The following RRP1 variants were observed in gnomAD, a reference collection of about 807,000 sequenced individuals.
RRP1 encodes ribosomal RNA processing 1.
Under a neutral mutation model 54.6 loss-of-function variants are expected in RRP1, and 37 were observed. The ratio of observed to expected loss-of-function variants is 0.68; its 90% CI spans 0.52 to 0.89. RRP1 has a LOEUF of 0.89. Among genes scored for constraint, RRP1 ranks in the 40% least tolerant of loss-of-function variants. The probability of loss-of-function intolerance (pLI) is 0.00; values close to 1 mark genes in which losing one functional copy is unlikely to be tolerated. For synonymous variants in RRP1, 262 were observed against 244.3 expected (o/e 1.07, Z -0.67); for missense variants, 639 against 612.5 (o/e 1.04, Z -0.46).
chr21:43,791,640 G>A (rs2084959863), intron 2 of RRP1, among the ~76,000 whole-genome samples: 1 of 152,062 alleles, frequency 6.6e-6, no homozygotes, highest in East Asian at 1.9e-4. Context: ...GTAGCTGGGA[G>A]TACAGGTACC....
intron 1 of RRP1, 35 bp downstream of exon 1, chr21:43,789,797 G>T: frequency 6.7e-7 from 1 of 1,482,208 alleles, no homozygotes; most frequent in Non-Finnish European, 9.0e-7. Context: ...CGTCTCGGGG[G>T]CCGGCTGGGC....
intron 5 of RRP1, among the ~76,000 whole-genome samples, chr21:43,796,888 G>A (rs940103432): frequency 6.6e-5 from 10 of 152,158 alleles, no homozygotes; most frequent in African/African-American, 1.4e-4. Context: ...CGCCTGCCAG[G>A]GAGAGCTCTG....
At chr21:43,796,159 A>G (rs1188490450) in intron 5 of RRP1, among the ~76,000 whole-genome samples, 1 of 151,596 alleles carries the variant, frequency 6.6e-6, no homozygotes, top group Non-Finnish European at 1.5e-5. Flanking sequence ...AAGAATCAGC[A>G]GGAATTGAAC....
intron 10 of RRP1, 50 bp downstream of exon 10, chr21:43,800,664 T>C (rs1462410210): frequency 6.3e-7 from 1 of 1,588,808 alleles, no homozygotes; most frequent in East Asian, 2.2e-5. Context: ...GGAGTTGCCC[T>C]TTCTTGCTCA....
At chr21:43,797,573 G>C in intron 6 of RRP1, 22 bp downstream of exon 6, 1 of 1,613,962 alleles carries the variant, frequency 6.2e-7, no homozygotes, top group South Asian at 1.1e-5. Flanking sequence ...CTCCGACGGG[G>C]CGGTGGAGCT....
At chr21:43,790,684 C>T (rs1268174365) in intron 1 of RRP1, 1 of 242,128 alleles carries the variant, frequency 4.1e-6, no homozygotes, top group African/African-American at 2.3e-5. Context: ...ACCTCCCAGG[C>T]TCAAGTGAGC....
chr21:43,797,236 T>C, intron 5 of RRP1, 186 bp from the exon 6 acceptor site: 2 of 924,068 alleles, frequency 2.2e-6, no homozygotes, highest in Non-Finnish European at 1.6e-6. Flanking sequence ...AAGACTGCCT[T>C]GCGCTGGAGG....
rs756672405 is a variant in RRP1, at chr21:43,803,557, G to C, written c.1169G>C (p.Arg390Thr). Reference protein sequence around the residue: ...EPPSPGMERKRSRRRGVGADP... With the variant: ...EPPSPGMERKTSRRRGVGADP... The stretch of plus-strand genomic sequence containing the variant: ...CCGAGCCCGGGCATGGAGAGGAAGA[G>C]GAGCAGGAGGAGGGGTGTAGGGGCC... Residue 390 changes from arginine (R) to threonine (T), a missense_variant, in exon 13 of 13, where the codon AGG (arginine) becomes ACG (threonine). Arg to Thr is a moderately conservative substitution (Grantham distance 71). Transcript: ENST00000497547. 4.5e-6 allele frequency: 7 copies of C among 1,555,966 alleles called. No homozygotes were observed. In the South Asian group the frequency reaches 7.1e-5, roughly 16 times the overall value.
At chr21:43,792,642 C>T (rs946876234) in intron 2 of RRP1, 30 bp from the exon 3 acceptor site, 1 of 1,612,728 alleles carries the variant, frequency 6.2e-7, no homozygotes, top group African/African-American at 1.3e-5. Context: ...GCTTCAGGGG[C>T]TGAGGGCGTT....
chr21:43,802,251 C>T (rs780106056), intron 11 of RRP1, 23 bp from the exon 12 acceptor site: 4 of 1,588,912 alleles, frequency 2.5e-6, no homozygotes, highest in Non-Finnish European at 3.5e-6. Context: ...CGAGAGCCCC[C>T]TGACTTCTGC....
At position 43,795,930 on chromosome 21, in the gene RRP1, A is replaced by G. The variant is rs1188424635; in HGVS notation, c.422+680A>G. On this transcript the variant is annotated intron_variant, in intron 5 of 12. Coordinates refer to ENST00000497547, the MANE Select transcript of RRP1 (RefSeq NM_003683.6). ...GCCGAGGCGGGCAGATCACAAGGTC[A>G]AGAGATCGAGACCATCCTGGCCACC... Among the ~76,000 whole-genome samples, 3 of 152,212 alleles carry G rather than the reference A, an allele frequency of 2.0e-5. No homozygotes were observed. The East Asian group carries it at 5.8e-4, about 29-fold the overall frequency.
chr21:43,795,625 T>C (rs1477896875), intron 5 of RRP1, among the ~76,000 whole-genome samples: 1 of 152,202 alleles, frequency 6.6e-6, no homozygotes, highest in Admixed American at 6.5e-5. Context: ...TTGGCTCAAC[T>C]ACAGCCTTGA....
At chr21:43,790,984 C>T in intron 1 of RRP1, 1 of 463,014 alleles carries the variant, frequency 2.2e-6, no homozygotes, top group South Asian at 1.5e-5. Context: ...CAGAAGCCCT[C>T]AGTATAATGC....
Position 43,798,118 on chromosome 21 carries a change from C to T in RRP1, c.811+18C>T, listed in dbSNP as rs1471397243. On this transcript the variant is annotated intron_variant, in intron 8 of 12. Coordinates refer to ENST00000497547, the MANE Select transcript of RRP1 (RefSeq NM_003683.6). ...GCCCGCAGGTGGGGGTCACACTGCG[C>T]CTGGCTTCTCCTCGGGGCCTGTCCT... 1 of 1,585,794 alleles carries T rather than the reference C, an allele frequency of 6.3e-7. No individual in the cohort carries two copies. Among genetic ancestry groups the T allele is most frequent in the Non-Finnish European group, 8.6e-7 (1 of 1,164,614 alleles).
At position 43,789,681 on chromosome 21, in the gene RRP1, G is replaced by A; in HGVS notation, c.52G>A (p.Ala18Thr). The A allele has an allele frequency of 6.4e-7, 1 of 1,571,396 alleles. No individual in the cohort carries two copies. Among genetic ancestry groups the A allele is most frequent in the Non-Finnish European group, 8.6e-7 (1 of 1,159,708 alleles). Residue 18 changes from alanine to threonine, a missense_variant, in exon 1 of 13, where the codon GCG becomes ACG. Physicochemically the swap from Ala to Thr is moderately conservative, Grantham distance 58. Transcript: ENST00000497547. ...TGAGATCCAGCTGGCTCAGCGCCTGGCGGGGAATGAGCAGGTGACCCGGGA... is the reference window on the plus strand; with the variant it reads ...TGAGATCCAGCTGGCTCAGCGCCTGACGGGGAATGAGCAGGTGACCCGGGA... ...PPEIQLAQRL[A>T]GNEQVTRDRA...
At chr21:43,800,458 T>G in intron 9 of RRP1, 59 bp from the exon 10 acceptor site, 1 of 1,549,550 alleles carries the variant, frequency 6.5e-7, no homozygotes, top group African/African-American at 1.4e-5. Flanking sequence ...GGTTCCACGT[T>G]CTCGGAGCAC....
chr21:43,793,741 A>G (rs963808457), intron 4 of RRP1, among the ~76,000 whole-genome samples: 3 of 152,244 alleles, frequency 2.0e-5, no homozygotes, highest in Admixed American at 6.5e-5. Flanking sequence ...CTGGAGGCGC[A>G]GCAGAGGAGC....
chr21:43,794,146 G>A (rs1037838672), intron 4 of RRP1, among the ~76,000 whole-genome samples: 4 of 152,140 alleles, frequency 2.6e-5, no homozygotes, highest in Non-Finnish European at 4.4e-5. Flanking sequence ...GCTCAGATTC[G>A]GGCCAGGATT....
At chr21:43,798,501 C>T (rs1484327014) in intron 8 of RRP1, among the ~76,000 whole-genome samples, 3 of 152,170 alleles carry the variant, frequency 2.0e-5, no homozygotes, top group African/African-American at 4.8e-5. Context: ...CTCCCCATAG[C>T]GTCACTCTGT....
Sources: allele counts gnomAD v4.1 joint callset (sites outside exome capture counted in the v4.1 genomes callset), GRCh38; gene constraint gnomAD v4.1.1; transcripts MANE v1.5; gene names NCBI Gene and HGNC (gene_info 2026-07-23, HGNC 2026-07-21).